The following MECR variants were observed in gnomAD, a reference collection of about 807,000 sequenced individuals.
MECR encodes mitochondrial trans-2-enoyl-CoA reductase, also known as enoyl-[acyl-carrier-protein] reductase, mitochondrial.
MECR carries 37 observed loss-of-function variants against 49.1 expected under a neutral mutation model. The observed-to-expected ratio is 0.75, with a 90% CI of 0.58 to 0.99. The LOEUF (loss-of-function observed/expected upper bound fraction) is 0.99, where lower values mean the gene tolerates loss of function less well. Ranked by LOEUF, MECR falls within the 50% of genes least tolerant of loss-of-function variation. The probability of loss-of-function intolerance (pLI) is 0.00; values close to 1 mark genes in which losing one functional copy is unlikely to be tolerated. For synonymous variants in MECR, 198 were observed against 191.1 expected (o/e 1.04, Z -0.30); for missense variants, 470 against 479.6 (o/e 0.98, Z 0.19).
the MECR span, among the ~76,000 whole-genome samples, chr1:29,181,370 C>T: frequency 6.6e-6 from 1 of 152,340 alleles, no homozygotes; most frequent in Non-Finnish European, 1.5e-5. Context: ...AGCTGTGCCC[C>T]CCTGCCCGGA....
chr1:29,200,063 C>T (rs1380625874), intron 7 of MECR, among the ~76,000 whole-genome samples: 3 of 152,146 alleles, frequency 2.0e-5, no homozygotes, highest in Non-Finnish European at 4.4e-5. Context: ...GCCCAGCCAA[C>T]AGGAAACTTT....
chr1:29,174,347 C>T, the MECR span, among the ~76,000 whole-genome samples: 1 of 152,020 alleles, frequency 6.6e-6, no homozygotes, highest in African/African-American at 2.4e-5. Flanking sequence ...AGGAATCTGC[C>T]CTAAGGCAAA....
the MECR span, chr1:29,170,698 T>G: frequency 2.6e-5 from 4 of 152,212 alleles, no homozygotes; most frequent in Non-Finnish European, 5.9e-5. Flanking sequence ...CATGAAAACC[T>G]TTCCAAGTCC....
At chr1:29,206,605 A>G (rs1676634533) in intron 4 of MECR, among the ~76,000 whole-genome samples, 157 bp downstream of exon 4, 1 of 152,192 alleles carries the variant, frequency 6.6e-6, no homozygotes, top group South Asian at 2.1e-4. Context: ...CCAAGCTAAC[A>G]TCTTTCTAAG....
At chr1:29,195,751 C>T (rs2151843042) in intron 9 of MECR, among the ~76,000 whole-genome samples, 190 bp downstream of exon 9, 1 of 152,308 alleles carries the variant, frequency 6.6e-6, no homozygotes, top group East Asian at 1.9e-4. Flanking sequence ...GTTCTGCGCC[C>T]CTAAGACTAA....
chr1:29,194,326 G>T, intron 9 of MECR, 147 bp from the exon 10 acceptor site: 1 of 862,524 alleles, frequency 1.2e-6, no homozygotes. Flanking sequence ...GGGTGGCTGT[G>T]GAGGCAGCCT....
At chr1:29,215,125 C>T (rs768272559) in intron 3 of MECR, among the ~76,000 whole-genome samples, 79 of 152,194 alleles carry the variant, frequency 5.2e-4, no homozygotes, top group Non-Finnish European at 1.0e-3. Context: ...GTGATTGAAC[C>T]TGCCTTTCTG....
At chr1:29,190,265 T>A (rs1673093665), downstream of MECR, among the ~76,000 whole-genome samples, 2 of 152,010 alleles carry the variant, frequency 1.3e-5, no homozygotes, top group African/African-American at 2.4e-5. Flanking sequence ...GTCCCAGCTA[T>A]TCGGGAGGCT....
At chr1:29,185,755 CAT>C in the MECR span, among the ~76,000 whole-genome samples, 24 of 152,272 alleles carry the variant, frequency 1.6e-4, no homozygotes, top group South Asian at 4.6e-3. Flanking sequence ...GTGTGAGGAA[CAT>C]AACATTCTTA....
At chr1:29,226,833 G>A (rs1210839334) in intron 1 of MECR, among the ~76,000 whole-genome samples, 3 of 151,718 alleles carry the variant, frequency 2.0e-5, no homozygotes, top group African/African-American at 7.3e-5. Flanking sequence ...TTGCTATACA[G>A]CAGGTATACA....
At chr1:29,187,510 GC>G in the MECR span, among the ~76,000 whole-genome samples, 1 of 151,868 alleles carries the variant, frequency 6.6e-6, no homozygotes, top group Non-Finnish European at 1.5e-5. Flanking sequence ...ATGCCTGGCC[GC>G]AAGAGCTTTA....
intron 3 of MECR, among the ~76,000 whole-genome samples, chr1:29,214,489 G>C (rs1440308706): frequency 6.6e-6 from 1 of 151,628 alleles, no homozygotes; most frequent in South Asian, 2.1e-4. Context: ...AGTCTCCCGG[G>C]TAGCTGTGAC....
At chr1:29,207,207 C>T (rs1207668284) in intron 3 of MECR, among the ~76,000 whole-genome samples, 4 of 151,990 alleles carry the variant, frequency 2.6e-5, no homozygotes, top group East Asian at 1.9e-4. Flanking sequence ...CTGCAACTTC[C>T]GCCTCCTGGG....
chr1:29,183,236 A>C, the MECR span, among the ~76,000 whole-genome samples: 5 of 152,344 alleles, frequency 3.3e-5, no homozygotes, highest in Middle Eastern at 0.017. Flanking sequence ...ATATATTTTG[A>C]AAATCATTCC....
chr1:29,174,113 C>T, the MECR span, among the ~76,000 whole-genome samples: 8 of 151,134 alleles, frequency 5.3e-5, no homozygotes, highest in Non-Finnish European at 8.8e-5. Context: ...TGCTTGAACC[C>T]GGGAGGCAGA....
chr1:29,177,707 A>G, the MECR span, among the ~76,000 whole-genome samples: 12 of 152,134 alleles, frequency 7.9e-5, no homozygotes, highest in African/African-American at 2.7e-4. Context: ...TCTTTCAAAA[A>G]GTTCTCTAGA....
chr1:29,168,189 T>C, the MECR span, among the ~76,000 whole-genome samples: 6 of 110,218 alleles, frequency 5.4e-5, no homozygotes, highest in African/African-American at 2.1e-4. Flanking sequence ...AAATTTTTTG[T>C]AATTTTTTTT....
chr1:29,182,843 C>T, the MECR span, among the ~76,000 whole-genome samples: 1 of 152,216 alleles, frequency 6.6e-6, no homozygotes, highest in African/African-American at 2.4e-5. Context: ...TGCGCCTGGC[C>T]TATCCAGTCT....
At position 29,213,435 on chromosome 1, in the gene MECR, C is replaced by T. The variant is rs1037169451; in HGVS notation, c.406+2570G>A. Among the ~76,000 whole-genome samples the T allele has an allele frequency of 2.0e-5, 3 of 151,962 alleles. No individual in the cohort carries two copies. The East Asian group carries it at 5.8e-4, about 29-fold the overall frequency. On this transcript the variant is annotated intron_variant, in intron 3 of 9. Transcript: ENST00000263702. ...TTTCCTGCCTAGTATCTTTTTCTCTCTACAAGTGCTCCTTCCTAATCTCTG... is the reference window on the plus strand; with the variant it reads ...TTTCCTGCCTAGTATCTTTTTCTCTTTACAAGTGCTCCTTCCTAATCTCTG...
Sources: gnomAD v4.1 joint callset for allele counts (sites outside exome capture counted in the v4.1 genomes callset) on GRCh38, gnomAD v4.1.1 for gene constraint, MANE v1.5 for transcripts, NCBI Gene and HGNC (gene_info 2026-07-23, HGNC 2026-07-21) for gene names.